HSP90AB1: variants seen among roughly 807,000 people sequenced by gnomAD.
The protein encoded by HSP90AB1 is heat shock protein HSP 90-beta.
In HSP90AB1, 17 loss-of-function variants were observed where a neutral mutation model predicts 67.8. That is an observed-to-expected ratio of 0.25 (90% CI 0.17 to 0.38). The LOEUF is 0.38. Among genes scored for constraint, HSP90AB1 ranks in the 10% least tolerant of loss-of-function variants. The pLI is 1.00. For synonymous variants in HSP90AB1, 390 were observed against 312.9 expected (o/e 1.25, Z -2.60); for missense variants, 690 against 899.9 (o/e 0.77, Z 2.98).
rs1463429558 is a variant in HSP90AB1 at position 44,252,132 on chromosome 6, C to T, written c.1596C>T (p.Ser532=). 2 of 1,613,932 alleles carry T rather than the reference C, an allele frequency of 1.2e-6. No homozygotes were observed. Among genetic ancestry groups the T allele is most frequent in the Admixed American group, 1.7e-5 (1 of 59,988 alleles). ...VQQLKEFDGK[S]LVSVTKEGLE... ...AGCTCAAGGAATTTGATGGGAAGAG[C>T]CTGGTCTCAGTTACCAAGGAGGGTC... is the stretch of plus-strand genomic sequence containing the variant. The change falls in exon 10 of 12, where the codon AGC becomes AGT. Residue 532 remains serine, a synonymous_variant. Coordinates refer to ENST00000371646, the MANE Select transcript of HSP90AB1 (RefSeq NM_007355.4).
rs11538984 is a variant in HSP90AB1 at position 44,253,667 on chromosome 6, G to C, written c.*69G>C. 31,342 of 1,166,024 alleles carry C rather than the reference G, an allele frequency of 0.027. 542 individuals carry two copies. The highest frequency in any genetic ancestry group is 0.046 in the South Asian group (3,774 of 82,016). The allele number at this position is 1,166,024 out of a possible 1,614,324, so 72.2% of individuals were successfully genotyped here. A position where few individuals can be genotyped will look rare whatever the true frequency, so the allele number is the denominator to read the frequency against. ...CCCCATGGGCTCCCACTGCAGCCTCGAGTGCCCCTGTCCCACCTGGCTCCC... is the reference window on the plus strand; with the variant it reads ...CCCCATGGGCTCCCACTGCAGCCTCCAGTGCCCCTGTCCCACCTGGCTCCC... On this transcript the variant is annotated 3_prime_UTR_variant, in exon 12 of 12. Transcript: ENST00000371646.
In HSP90AB1 at chr6:44,253,300, C is replaced by G. The variant is rs748208141; in HGVS notation, c.1987C>G (p.Leu663Val). 6.2e-7 allele frequency: 1 copy of G among 1,614,222 alleles called. No homozygotes were observed. The highest frequency in any genetic ancestry group is 8.5e-7 in the Non-Finnish European group (1 of 1,180,040). The change falls in exon 11 of 12, where the codon CTG becomes GTG. Residue 663 changes from leucine to valine, a missense_variant. Transcript: ENST00000371646. ...GGTGGTGCTGCTGTTTGAAACCGCC[C>G]TGCTATCTTCTGGCTTTTCCCTTGA... ...DLVVLLFETALLSSGFSLEDP... is the reference protein window; with the variant it reads ...DLVVLLFETAVLSSGFSLEDP...
chr6:44,246,745 C>T (rs1270537001), upstream of HSP90AB1, among the ~76,000 whole-genome samples: 1 of 152,194 alleles, frequency 6.6e-6, no homozygotes, highest in African/African-American at 2.4e-5. Flanking sequence ...CGGTGTCCCC[C>T]CCAGTCCCGC....
At chr6:44,251,324 G>A (rs1480871440) in intron 7 of HSP90AB1, 94 bp from the exon 8 acceptor site, 7 of 1,517,036 alleles carry the variant, frequency 4.6e-6, no homozygotes, top group Middle Eastern at 1.7e-4. Flanking sequence ...AGGTGTAAGG[G>A]TTCAGGAGGC....
chr6:44,252,479 A>G (rs1448317499), intron 10 of HSP90AB1, among the ~76,000 whole-genome samples: 2 of 152,222 alleles, frequency 1.3e-5, no homozygotes, highest in Admixed American at 6.5e-5. Flanking sequence ...GAGAGTAGAT[A>G]AAATACCATC....
Position 44,251,591 on chromosome 6 carries a change from T to C in HSP90AB1, c.1297T>C (p.Phe433Leu). 6.2e-7 allele frequency: 1 copy of C among 1,604,510 alleles called. No individual in the cohort carries two copies. Among genetic ancestry groups the C allele is most frequent in the South Asian group, 1.1e-5 (1 of 90,230 alleles). Residue 433 changes from phenylalanine (F) to leucine (L), a missense_variant, in exon 8 of 12, where the codon TTC becomes CTC. Physicochemically the swap from Phe to Leu is conservative, Grantham distance 22 (BLOSUM62 0). Around this residue, in one of 7 missense-constraint regions of HSP90AB1, gnomAD observed 206 missense variants for 221.4 expected, o/e 0.93. Coordinates refer to ENST00000371646, the MANE Select transcript of HSP90AB1 (RefSeq NM_007355.4). ...GAATTACAAGAAATTCTATGAGGCA[T>C]TCTCTAAAAATCTCAAGGTAAAAAG... Reference protein sequence around the residue: ...KENYKKFYEAFSKNLKLGIHE... With the variant: ...KENYKKFYEALSKNLKLGIHE...
chr6:44,250,664 A>T, intron 6 of HSP90AB1, 65 bp downstream of exon 6: 2 of 883,424 alleles, frequency 2.3e-6, no homozygotes, highest in Non-Finnish European at 3.7e-6. Context: ...TAGGTGGAAG[A>T]GTGTTGGGTA....
Position 44,251,485 on chromosome 6 carries a change from G to A in HSP90AB1, c.1191G>A (p.Gln397=). Residue 397 remains glutamine, a synonymous_variant, in exon 8 of 12, where the codon CAG becomes CAA. Transcript: ENST00000371646. ...PLNISREMLQ[Q]SKILKVIRKN... ...ACATCTCCCGAGAAATGCTCCAGCA[G>A]AGCAAAATCTTGAAAGTCATTCGCA... 1 of 1,611,890 alleles carries A rather than the reference G, an allele frequency of 6.2e-7. No individual in the cohort carries two copies. Among genetic ancestry groups the A allele is most frequent in the Non-Finnish European group, 8.5e-7 (1 of 1,178,350 alleles).
In HSP90AB1 at chr6:44,249,170, C is replaced by A. The variant is rs571847910; in HGVS notation, c.148-207C>A. 3.9e-5 allele frequency among the ~76,000 whole-genome samples: 6 copies of A among 152,190 alleles called. No individual in the cohort carries two copies. In the South Asian group the frequency reaches 1.0e-3, roughly 26 times the overall value. On this transcript the variant is annotated intron_variant, in intron 2 of 11. Transcript: ENST00000371646. ...AGCCTGGGCAACCGCGAGACCTTGT[C>A]TCTGCAAAAAATTAAATATTAGTTG...
Position 44,248,699 on chromosome 6 carries a change from C to CT in HSP90AB1, c.71dup (p.Met25HisfsTer22). 1 of 1,613,800 alleles carries CT rather than the reference C, an allele frequency of 6.2e-7. No individual in the cohort carries two copies. The highest frequency in any genetic ancestry group is 8.5e-7 in the Non-Finnish European group (1 of 1,179,636). On this transcript the variant is annotated frameshift_variant, in exon 2 of 12. Transcript: ENST00000371646. LOFTEE classifies it high-confidence loss of function. ...TGCCTTTCAGGCAGAAATTGCCCAACTCATGTCCCTCATCATCAATACCTT... is the reference window on the plus strand; with the variant it reads ...TGCCTTTCAGGCAGAAATTGCCCAACTTCATGTCCCTCATCATCAATACCTT...
Position 44,253,329 on chromosome 6 carries a change from T to A in HSP90AB1, c.2016T>A (p.Asp672Glu). 6.2e-7 allele frequency: 1 copy of A among 1,614,164 alleles called. No homozygotes were observed. The highest frequency in any genetic ancestry group is 1.1e-5 in the South Asian group (1 of 91,078). The change falls in exon 11 of 12, where the codon GAT (aspartate) becomes GAA (glutamate). Residue 672 changes from aspartate to glutamate, a missense_variant. Physicochemically the swap from Asp to Glu is conservative, Grantham distance 45. Around this residue, in one of 7 missense-constraint regions of HSP90AB1, gnomAD observed 120 missense variants for 153.5 expected, o/e 0.78. Transcript: ENST00000371646. ...TATCTTCTGGCTTTTCCCTTGAGGA[T>A]CCCCAGACCCACTCCAACCGCATCT... ...ALLSSGFSLE[D>E]PQTHSNRIYR...
Position 44,251,327 on chromosome 6 carries a change from C to T in HSP90AB1, c.1124-91C>T. On this transcript the variant is annotated intron_variant, in intron 7 of 11. Coordinates refer to ENST00000371646, the MANE Select transcript of HSP90AB1 (RefSeq NM_007355.4). ...GCAATACATAGTAGGTGTAAGGGTT[C>T]AGGAGGCTATTAGAGCCTTCTGTTT... 2.6e-6 allele frequency: 4 copies of T among 1,524,502 alleles called. No individual in the cohort carries two copies. In the South Asian group the frequency reaches 4.5e-5, roughly 17 times the overall value. 94.4% of individuals were successfully genotyped at this position (1,524,502 alleles called of 1,614,324 possible). A position where few individuals can be genotyped will look rare whatever the true frequency, so the allele number is the denominator to read the frequency against.
At chr6:44,246,591 C>A (rs1376360240), upstream of HSP90AB1, among the ~76,000 whole-genome samples, 1 of 152,246 alleles carries the variant, frequency 6.6e-6, no homozygotes, top group African/African-American at 2.4e-5. Flanking sequence ...TCTACTCCTG[C>A]GAGAGTCGGG....
At chr6:44,247,569 GC>G (rs1561896665) in intron 1 of HSP90AB1, among the ~76,000 whole-genome samples, 3 of 152,210 alleles carry the variant, frequency 2.0e-5, no homozygotes, top group African/African-American at 7.2e-5. Flanking sequence ...TGGCGGGGGT[GC>G]CCGCTCGGGT....
chr6:44,251,627 C>G lies in HSP90AB1; in HGVS notation c.1314+19C>G, dbSNP rs756548125. Reference sequence around the variant, plus strand: ...TCTCAAGGTAAAAAGGCAAATAATGCTTATTCCCTTTACCACTTTCTTAGT... The same window carrying G: ...TCTCAAGGTAAAAAGGCAAATAATGGTTATTCCCTTTACCACTTTCTTAGT... On this transcript the variant is annotated intron_variant, in intron 8 of 11. Coordinates refer to ENST00000371646, the MANE Select transcript of HSP90AB1 (RefSeq NM_007355.4). The G allele has an allele frequency of 1.3e-6, 2 of 1,591,004 alleles. No homozygotes were observed. The highest frequency in any genetic ancestry group is 1.7e-6 in the Non-Finnish European group (2 of 1,165,266).
In HSP90AB1 at chr6:44,251,362, G is replaced by T. The variant is rs35151748; in HGVS notation, c.1124-56G>T. 2.8e-3 allele frequency: 4,362 copies of T among 1,555,562 alleles called. 51 individuals carry two copies. Among genetic ancestry groups the T allele is most frequent in the South Asian group, 0.024 (2,083 of 86,774 alleles). On this transcript the variant is annotated intron_variant, in intron 7 of 11. Coordinates refer to ENST00000371646, the MANE Select transcript of HSP90AB1 (RefSeq NM_007355.4). ...TTAGAGCCTTCTGTTTGAATCTGGG[G>T]ACCAGGTCTGGTCTAGCTGTTTTTT...
At chr6:44,249,047 A>G (rs1780328961) in intron 2 of HSP90AB1, among the ~76,000 whole-genome samples, 1 of 152,244 alleles carries the variant, frequency 6.6e-6, no homozygotes, top group Admixed American at 6.5e-5. Flanking sequence ...ATTTTCTTTG[A>G]AGATACGGGC....
chr6:44,252,951 C>A, intron 10 of HSP90AB1, 94 bp from the exon 11 acceptor site: 1 of 1,035,810 alleles, frequency 9.7e-7, no homozygotes, highest in Non-Finnish European at 1.5e-6. Context: ...AGTGGTCTGT[C>A]CACCTCCTCC....
chr6:44,247,937 TC>T (rs1363505380), intron 1 of HSP90AB1: 3 of 152,250 alleles, frequency 2.0e-5, no homozygotes, highest in Non-Finnish European at 2.9e-5. Context: ...CCGACGCATG[TC>T]CGGCAGTGAC....
Sources: gnomAD v4.1 joint callset for allele counts (sites outside exome capture counted in the v4.1 genomes callset) on GRCh38, gnomAD v4.1.1 for gene constraint, gnomAD v4.1.1 regional missense constraint, MANE v1.5 for transcripts, NCBI Gene and HGNC (gene_info 2026-07-23, HGNC 2026-07-21) for gene names.